Variants in LRBA observed in about 807,000 individuals in gnomAD.
LRBA encodes the protein LPS responsive beige-like anchor protein.
Under a neutral mutation model 330.0 loss-of-function variants are expected in LRBA, and 176 were observed. That is an observed-to-expected ratio of 0.53 (90% CI 0.47 to 0.60). LRBA has a LOEUF of 0.60. Ranked by LOEUF, LRBA falls within the 20% of genes least tolerant of loss-of-function variation. The probability of loss-of-function intolerance (pLI) is 0.00; values close to 1 mark genes in which losing one functional copy is unlikely to be tolerated. For synonymous variants in LRBA, 1,230 were observed against 1,193.0 expected, an observed-to-expected ratio of 1.03 and a Z score of -0.64; for missense variants, 3,259 against 3,444.8, an observed-to-expected ratio of 0.95 and a Z score of 1.35.
At chr4:150,721,505 A>T in intron 36 of LRBA, 1 of 233,360 alleles carries the variant, frequency 4.3e-6, no homozygotes, top group Admixed American at 5.8e-5. Flanking sequence ...ACTCCTAAGA[A>T]GAACTGGGTT....
At chr4:150,470,762 T>C (rs1756003186) in intron 43 of LRBA, among the ~76,000 whole-genome samples, 1 of 151,986 alleles carries the variant, frequency 6.6e-6, no homozygotes, top group Non-Finnish European at 1.5e-5. Flanking sequence ...TATCAAATGG[T>C]TGGTGCCTTG....
At chr4:150,967,257 T>C (rs1365503050) in intron 2 of LRBA, among the ~76,000 whole-genome samples, 1 of 152,234 alleles carries the variant, frequency 6.6e-6, no homozygotes, top group Non-Finnish European at 1.5e-5. Flanking sequence ...AAAATCATCA[T>C]GGCTTCTCAT....
intron 45 of LRBA, 99 bp downstream of exon 45, chr4:150,436,625 T>C (rs1488688232): frequency 1.1e-6 from 1 of 937,280 alleles, no homozygotes; most frequent in Non-Finnish European, 1.6e-6. Flanking sequence ...ACTGACTCTT[T>C]TAGTATTCAA....
At chr4:150,791,217 G>A (rs556056701) in intron 34 of LRBA, among the ~76,000 whole-genome samples, 67 of 152,148 alleles carry the variant, frequency 4.4e-4, no homozygotes, top group Admixed American at 7.2e-4. Flanking sequence ...CCCCAGTAGC[G>A]GGGATTACAG....
At chr4:150,446,850 C>A (rs1752675406) in intron 44 of LRBA, among the ~76,000 whole-genome samples, 1 of 152,096 alleles carries the variant, frequency 6.6e-6, no homozygotes, top group Non-Finnish European at 1.5e-5. Flanking sequence ...TTGGGATAGT[C>A]ATCAACATAG....
At chr4:150,557,758 A>G (rs1393264715) in intron 40 of LRBA, among the ~76,000 whole-genome samples, 1 of 152,200 alleles carries the variant, frequency 6.6e-6, no homozygotes, top group African/African-American at 2.4e-5. Flanking sequence ...ATCACATCAT[A>G]TCATATCATA....
intron 5 of LRBA, among the ~76,000 whole-genome samples, chr4:150,919,062 T>C (rs1187807397): frequency 6.6e-6 from 1 of 152,128 alleles, no homozygotes; most frequent in Non-Finnish European, 1.5e-5. Flanking sequence ...TACAATATAA[T>C]ACCAGCCATA....
chr4:151,014,197 C>A, intron 2 of LRBA: 1 of 452,470 alleles, frequency 2.2e-6, no homozygotes, highest in Non-Finnish European at 3.9e-6. Context: ...ATTTCCTTAG[C>A]ACAAAAGTGA....
chr4:150,865,418 G>A (rs575056539), intron 22 of LRBA, among the ~76,000 whole-genome samples: 29 of 152,120 alleles, frequency 1.9e-4, no homozygotes, highest in Non-Finnish European at 3.8e-4. Context: ...GAATGGTAGT[G>A]GATACATTCT....
chr4:150,777,471 T>C (rs1047209515), intron 34 of LRBA, among the ~76,000 whole-genome samples: 4 of 152,182 alleles, frequency 2.6e-5, no homozygotes, highest in Non-Finnish European at 4.4e-5. Flanking sequence ...TTTAGGTTCT[T>C]CAATGAAATA....
At chr4:150,364,757 CTT>C (rs1739201837) in intron 47 of LRBA, among the ~76,000 whole-genome samples, 1 of 151,902 alleles carries the variant, frequency 6.6e-6, no homozygotes. Context: ...TTATTTTTCT[CTT>C]TTATTAACTG....
rs565646983 is a variant in LRBA at position 150,813,320 on chromosome 4, G to A, written c.5305+3804C>T. Among the ~76,000 whole-genome samples the A allele has an allele frequency of 6.6e-5, 10 of 152,010 alleles. No homozygotes were observed. In the South Asian group the frequency reaches 1.9e-3, roughly 28 times the overall value. On this transcript the variant is annotated intron_variant, in intron 31 of 56. Transcript: ENST00000651943. ...TTCTTTGAAAACATGCATATACAAG[G>A]ATATGCCTTATCCTCTGATGAATAT...
Position 150,478,281 on chromosome 4 carries a change from G to T in LRBA, c.6552-6542C>A, listed in dbSNP as rs552605732. ...ATTTCAATCTGGATGTCTCTCAGGG[G>T]TTCTAATTTCAAGGACCTAAAATTA... is the stretch of plus-strand genomic sequence containing the variant. On this transcript the variant is annotated intron_variant, in intron 42 of 56. Coordinates refer to ENST00000651943, the MANE Select transcript of LRBA (RefSeq NM_001364905.1). Among the ~76,000 whole-genome samples the T allele has an allele frequency of 2.3e-4, 35 of 152,112 alleles. No individual in the cohort carries two copies. The East Asian group carries it at 5.2e-3, about 23-fold the overall frequency.
rs1197277566 is a variant in LRBA, at chr4:151,014,718, C to A, written c.-76G>T. The A allele has an allele frequency of 2.1e-5, 20 of 954,726 alleles. No individual in the cohort carries two copies. In the East Asian group the frequency reaches 5.2e-4, roughly 25 times the overall value. 59.1% of individuals were successfully genotyped at this position (954,726 alleles called of 1,614,324 possible). On this transcript the variant is annotated 5_prime_UTR_variant, in exon 2 of 57. Coordinates refer to ENST00000651943, the MANE Select transcript of LRBA (RefSeq NM_001364905.1). ...CTGCACTGGTAATGAGCACAACACA[C>A]GCAATGCAAAACGAAAGGGTCCCTC...
In LRBA at chr4:150,772,176, T is replaced by C. The variant is rs553305090; in HGVS notation, c.5581-10329A>G. Among the ~76,000 whole-genome samples the C allele has an allele frequency of 2.0e-5, 3 of 152,226 alleles. No homozygotes were observed. In the South Asian group the frequency reaches 6.2e-4, roughly 32 times the overall value. On this transcript the variant is annotated intron_variant, in intron 34 of 56. Coordinates refer to ENST00000651943, the MANE Select transcript of LRBA (RefSeq NM_001364905.1). ...CTCAAAGTTCTGTCCACTGAGAAGA[T>C]TATTCTTCACTACAGTCCATCAGGG... is the stretch of plus-strand genomic sequence containing the variant.
chr4:150,448,789 T>G, intron 44 of LRBA, among the ~76,000 whole-genome samples: 1 of 85,738 alleles, frequency 1.2e-5, no homozygotes, highest in Non-Finnish European at 2.0e-5. Flanking sequence ...GCAATAAGAG[T>G]GAAACAGTGT....
chr4:150,795,759 C>G (rs1740692282), intron 34 of LRBA, among the ~76,000 whole-genome samples: 1 of 151,864 alleles, frequency 6.6e-6, no homozygotes, highest in South Asian at 2.1e-4. Context: ...ATATAGTGAT[C>G]TGTTTGGTTT....
rs1753562935 is a variant in LRBA at position 150,872,564 on chromosome 4, A to C, written c.2258+99T>G. The C allele has an allele frequency of 4.2e-6, 3 of 722,006 alleles. No individual in the cohort carries two copies. The South Asian group carries it at 5.4e-5, about 13-fold the overall frequency. 44.7% of individuals were successfully genotyped at this position (722,006 alleles called of 1,614,324 possible). ...ACAGCAATTTATGAATAAAAATAAA[A>C]GAAAAACTAGAGGACTATAGAACAA... On this transcript the variant is annotated intron_variant, in intron 18 of 56. Coordinates refer to ENST00000651943, the MANE Select transcript of LRBA (RefSeq NM_001364905.1).
intron 36 of LRBA, among the ~76,000 whole-genome samples, chr4:150,707,799 T>C (rs1785778728): frequency 1.3e-5 from 2 of 151,716 alleles, no homozygotes; most frequent in African/African-American, 4.8e-5. Context: ...AGCTCTAGCA[T>C]ATGATAATTA....
Sources: gnomAD v4.1 joint callset for allele counts (sites outside exome capture counted in the v4.1 genomes callset) on GRCh38, gnomAD v4.1.1 for gene constraint, MANE v1.5 for transcripts, NCBI Gene and HGNC (gene_info 2026-07-23, HGNC 2026-07-21) for gene names.